Variants in GTPBP4 observed in about 807,000 individuals in gnomAD.
The protein encoded by GTPBP4 is GTP-binding protein 4.
In GTPBP4, 15 loss-of-function variants were observed where a neutral mutation model predicts 81.7. That is an observed-to-expected ratio of 0.18 (90% CI 0.12 to 0.28). GTPBP4 has a LOEUF of 0.28. Ranked by LOEUF, GTPBP4 falls within the 10% of genes least tolerant of loss-of-function variation. The pLI, the probability that GTPBP4 is intolerant of heterozygous loss-of-function variation, is 1.00. For synonymous variants in GTPBP4, 272 were observed against 274.6 expected (o/e 0.99, Z 0.09); for missense variants, 847 against 793.8 (o/e 1.07, Z -0.81).
chr10:1,006,093 C>CG (rs2132166627), intron 9 of GTPBP4, among the ~76,000 whole-genome samples, 186 bp downstream of exon 9: 1 of 152,340 alleles, frequency 6.6e-6, no homozygotes, highest in East Asian at 1.9e-4. Flanking sequence ...CTTTGCCCCC[C>CG]GTGGACAGTG....
chr10:1,011,007 C>CCGAG (rs1564470762), intron 13 of GTPBP4, among the ~76,000 whole-genome samples: 82 of 141,494 alleles, frequency 5.8e-4, no homozygotes, highest in South Asian at 9.0e-4. Context: ...CCTTCCCCCC[C>CCGAG]ACCCTGTGTC....
chr10:989,255 C>G (rs1269605325), intron 1 of GTPBP4, among the ~76,000 whole-genome samples: 1 of 151,564 alleles, frequency 6.6e-6, no homozygotes, highest in African/African-American at 2.4e-5. Flanking sequence ...ACAGGGATTA[C>G]AGTCGTGCAC....
Position 1,008,967 on chromosome 10 carries a change from C to T in GTPBP4, c.1123C>T (p.Pro375Ser), listed in dbSNP as rs557111331. Residue 375 changes from proline to serine, a missense_variant, in exon 11 of 17, where the codon CCT becomes TCT. Pro to Ser is a moderately conservative substitution (Grantham distance 74). Around this residue, in one of 3 missense-constraint regions of GTPBP4, gnomAD observed 600 missense variants for 557.1 expected, o/e 1.08. Coordinates refer to ENST00000360803, the MANE Select transcript of GTPBP4 (RefSeq NM_012341.3). ...TATGGGATCTTCTCAGGAGAGGCCC[C>T]CTTTCATCCCTGAAGGAGTGGTGGC... ...PTRRDDKERPPFIPEGVVARR... is the reference protein window; with the variant it reads ...PTRRDDKERPSFIPEGVVARR... 6.2e-7 allele frequency: 1 copy of T among 1,609,648 alleles called. No individual in the cohort carries two copies. The highest frequency in any genetic ancestry group is 1.7e-5 in the Admixed American group (1 of 60,018).
At chr10:1,000,902 C>T (rs1205908397) in intron 7 of GTPBP4, 34 bp downstream of exon 7, 2 of 1,607,378 alleles carry the variant, frequency 1.2e-6, no homozygotes, top group Admixed American at 1.7e-5. Flanking sequence ...GCTTCATATC[C>T]TGCAGTACGA....
chr10:989,154 C>G (rs1554815360), intron 1 of GTPBP4, among the ~76,000 whole-genome samples: 1 of 133,660 alleles, frequency 7.5e-6, no homozygotes, highest in Non-Finnish European at 1.6e-5. Context: ...TAGTTTTTCG[C>G]TCTTGTTTCC....
chr10:998,081 A>G (rs187978180), intron 5 of GTPBP4, among the ~76,000 whole-genome samples: 155 of 152,088 alleles, frequency 1.0e-3, no homozygotes, highest in African/African-American at 3.4e-3. Context: ...AATTAAAAAA[A>G]TTTTTTTCTT....
chr10:1,019,171 C>T lies in GTPBP4; in HGVS notation c.*1944C>T, dbSNP rs980970881. 4.7e-5 allele frequency: 10 copies of T among 211,214 alleles called. No homozygotes were observed. Among genetic ancestry groups the T allele is most frequent in the Admixed American group, 4.7e-4 (9 of 19,028 alleles). The allele number at this position is 211,214 out of a possible 1,614,324, so 13.1% of individuals were successfully genotyped here. On this transcript the variant is annotated 3_prime_UTR_variant, in exon 17 of 17. Coordinates refer to ENST00000360803, the MANE Select transcript of GTPBP4 (RefSeq NM_012341.3). ...GGATAAAGCTGTGGGGAGACAGCCT[C>T]ATGGTCCAGCCAGGCTAGTCCGCCT... is the stretch of plus-strand genomic sequence containing the variant.
intron 13 of GTPBP4, among the ~76,000 whole-genome samples, chr10:1,011,534 C>T (rs1296368016): frequency 6.6e-6 from 1 of 152,234 alleles, no homozygotes; most frequent in Non-Finnish European, 1.5e-5. Flanking sequence ...CTTCTCTCAG[C>T]TGAGCTCTCT....
In GTPBP4 at chr10:992,541, T is replaced by C; in HGVS notation, c.101T>C (p.Ile34Thr). The C allele has an allele frequency of 1.2e-6, 2 of 1,604,140 alleles. No individual in the cohort carries two copies. Among genetic ancestry groups the C allele is most frequent in the South Asian group, 2.2e-5 (2 of 90,830 alleles). The change falls in exon 2 of 17, where the codon ATT (isoleucine) becomes ACT (threonine). Residue 34 changes from isoleucine (I) to threonine (T), a missense_variant. Ile to Thr is a moderately conservative substitution (Grantham distance 89). Coordinates refer to ENST00000360803, the MANE Select transcript of GTPBP4 (RefSeq NM_012341.3). ...ACTCAACGAAAGACTCCAACCGTTA[T>C]TCATAAACATTACCAAATACATCGC... ...SKTQRKTPTV[I>T]HKHYQIHRIR...
At chr10:991,996 G>T (rs909090527) in intron 1 of GTPBP4, among the ~76,000 whole-genome samples, 16 of 151,272 alleles carry the variant, frequency 1.1e-4, no homozygotes, top group Non-Finnish European at 8.8e-5. Context: ...CGCCCGGCCG[G>T]TGTAAAATTT....
At chr10:993,920 C>T (rs757690339) in intron 2 of GTPBP4, among the ~76,000 whole-genome samples, 12 of 151,586 alleles carry the variant, frequency 7.9e-5, no homozygotes, top group Non-Finnish European at 1.2e-4. Context: ...CCACCACGCC[C>T]GGCTAGTTTT....
rs951937952 is a variant in GTPBP4, at chr10:1,018,298, A to G, written c.*1071A>G. 6.6e-6 allele frequency: 1 copy of G among 151,760 alleles called. No individual in the cohort carries two copies. The highest frequency in any genetic ancestry group is 2.4e-5 in the African/African-American group (1 of 41,264). 9.4% of individuals were successfully genotyped at this position (151,760 alleles called of 1,614,324 possible). A position where few individuals can be genotyped will look rare whatever the true frequency, so the allele number is the denominator to read the frequency against. On this transcript the variant is annotated 3_prime_UTR_variant, in exon 17 of 17. Transcript: ENST00000360803. ...AAATTAGCCATGCGTGGTGGTGGGC[A>G]TCTGTAATCCTAGCTGCTCGGGAGG...
intron 15 of GTPBP4, 64 bp downstream of exon 15, chr10:1,014,376 G>A (rs560683476): frequency 1.5e-5 from 18 of 1,214,460 alleles, no homozygotes; most frequent in Middle Eastern, 3.8e-4. Flanking sequence ...AAGAAAACTG[G>A]CCGGGCGTGG....
At chr10:999,598 C>T (rs904996760) in intron 6 of GTPBP4, among the ~76,000 whole-genome samples, 2 of 152,182 alleles carry the variant, frequency 1.3e-5, no homozygotes, top group Non-Finnish European at 2.9e-5. Context: ...ATTTTCTTAA[C>T]ATAAAATGAA....
At chr10:1,009,387 A>G (rs1831809243) in intron 11 of GTPBP4, 142 bp from the exon 12 acceptor site, 1 of 689,598 alleles carries the variant, frequency 1.5e-6, no homozygotes, top group African/African-American at 1.8e-5. Context: ...GATAAGAAAC[A>G]GCCTTCCTAC....
intron 8 of GTPBP4, among the ~76,000 whole-genome samples, chr10:1,005,138 G>GGTTT (rs111855177): frequency 0.011 from 1,651 of 151,860 alleles, 31 homozygotes; most frequent in African/African-American, 0.036. Context: ...TGTTTTTTTT[G>GGTTT]GTTTGTTTGT....
At chr10:997,900 C>T (rs1831562003) in intron 5 of GTPBP4, among the ~76,000 whole-genome samples, 1 of 152,082 alleles carries the variant, frequency 6.6e-6, no homozygotes, top group South Asian at 2.1e-4. Context: ...ATAAGTGTAA[C>T]ATTTAAGGGA....
At chr10:1,015,543 AGC>A (rs1564472338) in intron 15 of GTPBP4, among the ~76,000 whole-genome samples, 83 of 115,238 alleles carry the variant, frequency 7.2e-4, no homozygotes, top group East Asian at 9.7e-4. Context: ...TGGGGTCCTG[AGC>A]GCTGAGCCTG....
intron 4 of GTPBP4, chr10:996,966 CGTG>C (rs1174550990): frequency 1.0e-5 from 5 of 479,048 alleles, no homozygotes; most frequent in African/African-American, 2.0e-5. Flanking sequence ...TGAATTAAAA[CGTG>C]GGCTTAGAAG....
Sources: gnomAD v4.1 joint callset for allele counts (sites outside exome capture counted in the v4.1 genomes callset) on GRCh38, gnomAD v4.1.1 for gene constraint, gnomAD v4.1.1 regional missense constraint, MANE v1.5 for transcripts, NCBI Gene and HGNC (gene_info 2026-07-23, HGNC 2026-07-21) for gene names.